Variants in CSMD1 observed in about 807,000 individuals in gnomAD.
CSMD1 encodes the protein CUB and sushi domain-containing protein 1.
A neutral mutation model predicts 417.5 loss-of-function variants in CSMD1; 213 were observed. That is an observed-to-expected ratio of 0.51 (90% CI 0.46 to 0.57). CSMD1 has a LOEUF of 0.57. CSMD1 is among the 20% of genes least tolerant of loss of function. The probability of loss-of-function intolerance (pLI) is 0.00; values close to 1 mark genes in which losing one functional copy is unlikely to be tolerated. For missense variants in CSMD1, 6,923 were observed against 4,529.7 expected, an observed-to-expected ratio of 1.53 and a Z score of -15.17; for synonymous variants, 2,862 against 1,736.8, an observed-to-expected ratio of 1.65 and a Z score of -16.11.
Position 4,167,816 on chromosome 8 carries a change from T to A in CSMD1, c.416-135717A>T, listed in dbSNP as rs201876451. 3.3e-4 allele frequency among the ~76,000 whole-genome samples: 50 copies of A among 152,164 alleles called. 1 individual carries two copies. The East Asian group carries it at 9.5e-3, about 29-fold the overall frequency. On this transcript the variant is annotated intron_variant, in intron 3 of 69. Coordinates refer to ENST00000635120, the MANE Select transcript of CSMD1 (RefSeq NM_033225.6). ...ACTAGCCTGGGCAACATACTCAGAC[T>A]CCATCTCTACCAAGAATTATATATA...
intron 2 of CSMD1, among the ~76,000 whole-genome samples, chr8:4,574,334 C>G (rs776094103): frequency 6.6e-6 from 1 of 152,142 alleles, no homozygotes; most frequent in African/African-American, 2.4e-5. Context: ...TAGCACCATC[C>G]CTCAACGGCG....
intron 1 of CSMD1, among the ~76,000 whole-genome samples, chr8:4,881,525 C>G (rs552750257): frequency 8.8e-6 from 1 of 113,776 alleles, no homozygotes; most frequent in African/African-American, 3.5e-5. Flanking sequence ...GTCAGAAACT[C>G]GAAGTTAGTT....
chr8:4,133,730 G>A (rs373334414), intron 3 of CSMD1, among the ~76,000 whole-genome samples: 73 of 151,622 alleles, frequency 4.8e-4, no homozygotes, highest in Non-Finnish European at 8.8e-4. Context: ...ACTGTTTATG[G>A]TTATGGTTTT....
chr8:3,302,880 T>C (rs1470914997), intron 25 of CSMD1, among the ~76,000 whole-genome samples: 2 of 152,158 alleles, frequency 1.3e-5, no homozygotes, highest in Non-Finnish European at 2.9e-5. Flanking sequence ...AGTCAGAACT[T>C]TGCAAAGTGA....
At chr8:4,015,848 T>C (rs777052962) in intron 4 of CSMD1, among the ~76,000 whole-genome samples, 56 of 152,164 alleles carry the variant, frequency 3.7e-4, no homozygotes, top group Non-Finnish European at 5.7e-4. Flanking sequence ...CAATAATGGT[T>C]CGTATGCTGC....
chr8:4,047,659 G>A (rs964145161), intron 3 of CSMD1, among the ~76,000 whole-genome samples: 3 of 152,034 alleles, frequency 2.0e-5, no homozygotes, highest in African/African-American at 7.3e-5. Context: ...TATATTTGGG[G>A]CATGCAGAGA....
intron 3 of CSMD1, among the ~76,000 whole-genome samples, chr8:4,053,046 G>C (rs190368356): frequency 5.9e-5 from 9 of 152,280 alleles, no homozygotes; most frequent in Admixed American, 3.9e-4. Flanking sequence ...CCTCTAACCA[G>C]AGGAGTCCTT....
chr8:3,957,894 T>C (rs1377689186), intron 5 of CSMD1, among the ~76,000 whole-genome samples: 1 of 152,200 alleles, frequency 6.6e-6, no homozygotes, highest in Non-Finnish European at 1.5e-5. Flanking sequence ...CGCTGTATAA[T>C]AATCTCCTTT....
intron 1 of CSMD1, among the ~76,000 whole-genome samples, chr8:4,873,377 T>A (rs998424436): frequency 6.6e-6 from 1 of 152,080 alleles, no homozygotes; most frequent in Non-Finnish European, 1.5e-5. Context: ...AGATCAGCGA[T>A]AGAGGAGAGA....
chr8:4,487,836 C>T (rs1231258741), intron 2 of CSMD1, among the ~76,000 whole-genome samples: 1 of 152,080 alleles, frequency 6.6e-6, no homozygotes, highest in Non-Finnish European at 1.5e-5. Flanking sequence ...AAGGGCTAAA[C>T]ATGTCTTTAT....
intron 2 of CSMD1, among the ~76,000 whole-genome samples, chr8:4,443,218 T>C (rs1239709553): frequency 6.6e-6 from 1 of 152,186 alleles, no homozygotes; most frequent in East Asian, 1.9e-4. Context: ...TCAATTTTTA[T>C]TTGTAATTAA....
intron 12 of CSMD1, among the ~76,000 whole-genome samples, chr8:3,450,561 G>A (rs1370551502): frequency 2.1e-5 from 3 of 146,084 alleles, no homozygotes; most frequent in Non-Finnish European, 4.5e-5. Flanking sequence ...AACATGCAGT[G>A]TTTGTTTTTT....
intron 18 of CSMD1, among the ~76,000 whole-genome samples, chr8:3,376,755 G>C (rs781676712): frequency 1.2e-4 from 18 of 151,158 alleles, no homozygotes; most frequent in Admixed American, 6.6e-4. Flanking sequence ...CAGACACTGA[G>C]TTTATCGTGT....
chr8:3,949,306 T>A (rs1460270872), intron 5 of CSMD1, among the ~76,000 whole-genome samples: 4 of 152,112 alleles, frequency 2.6e-5, no homozygotes, highest in Non-Finnish European at 5.9e-5. Flanking sequence ...AACTTTCTCA[T>A]CCTGTCTCAC....
At chr8:4,139,262 T>A (rs537570212) in intron 3 of CSMD1, among the ~76,000 whole-genome samples, 1 of 152,336 alleles carries the variant, frequency 6.6e-6, no homozygotes, top group East Asian at 1.9e-4. Flanking sequence ...TATGCATCAG[T>A]GTAAAGTGTT....
intron 9 of CSMD1, among the ~76,000 whole-genome samples, chr8:3,580,498 T>A (rs111792093): frequency 1.2e-4 from 18 of 152,252 alleles, no homozygotes; most frequent in African/African-American, 4.1e-4. Context: ...CAACTTAAGG[T>A]TAGCTTTCAG....
At chr8:4,135,657 G>C (rs192617127) in intron 3 of CSMD1, among the ~76,000 whole-genome samples, 1 of 151,980 alleles carries the variant, frequency 6.6e-6, no homozygotes, top group Non-Finnish European at 1.5e-5. Flanking sequence ...ATATGAAGAA[G>C]AAACCAAAAT....
At chr8:4,204,157 T>C (rs1799836891) in intron 3 of CSMD1, among the ~76,000 whole-genome samples, 1 of 152,104 alleles carries the variant, frequency 6.6e-6, no homozygotes, top group African/African-American at 2.4e-5. Context: ...AGTCCTGAAA[T>C]TCATTGACTG....
chr8:4,002,251 G>A (rs1212432329), intron 4 of CSMD1, among the ~76,000 whole-genome samples: 1 of 151,970 alleles, frequency 6.6e-6, no homozygotes, highest in African/African-American at 2.4e-5. Flanking sequence ...GTGTTTGTGT[G>A]TATGTGTGTG....
Sources: allele counts gnomAD v4.1 joint callset (sites outside exome capture counted in the v4.1 genomes callset), GRCh38; gene constraint gnomAD v4.1.1; transcripts MANE v1.5; gene names NCBI Gene and HGNC (gene_info 2026-07-23, HGNC 2026-07-21).